The following PPP1R14C variants were observed in gnomAD, a reference collection of about 807,000 sequenced individuals.
PPP1R14C encodes protein phosphatase 1 regulatory subunit 14C.
A neutral mutation model predicts 20.4 loss-of-function variants in PPP1R14C; 16 were observed. The ratio of observed to expected loss-of-function variants is 0.78; its 90% confidence interval spans 0.53 to 1.19. The LOEUF is 1.19. Ranked by LOEUF, PPP1R14C falls within the 50% of genes most tolerant of loss-of-function variation. The probability of loss-of-function intolerance (pLI) is 0.00; values close to 1 mark genes in which losing one functional copy is unlikely to be tolerated. For missense variants in PPP1R14C, 211 were observed against 220.1 expected, an observed-to-expected ratio of 0.96 and a Z score of 0.26; for synonymous variants, 91 against 91.0, an observed-to-expected ratio of 1.00 and a Z score of 0.00.
At chr6:150,204,308 T>G (rs1777915955) in intron 1 of PPP1R14C, among the ~76,000 whole-genome samples, 1 of 152,216 alleles carries the variant, frequency 6.6e-6, no homozygotes. Flanking sequence ...CTGTGCGTGT[T>G]TAGTGTTCAT....
intron 3 of PPP1R14C, among the ~76,000 whole-genome samples, chr6:150,217,195 A>ATTT (rs397886649): frequency 2.2e-5 from 3 of 135,648 alleles, no homozygotes; most frequent in Non-Finnish European, 4.8e-5. Flanking sequence ...ATTGGTATGT[A>ATTT]TTTTTTTTTT....
chr6:150,196,862 T>G (rs1163727314), intron 1 of PPP1R14C, among the ~76,000 whole-genome samples: 1 of 152,168 alleles, frequency 6.6e-6, no homozygotes, highest in African/African-American at 2.4e-5. Flanking sequence ...GTTTTTAAAA[T>G]TAATTGGAAT....
intron 1 of PPP1R14C, among the ~76,000 whole-genome samples, chr6:150,146,185 C>T (rs758526648): frequency 2.6e-5 from 4 of 152,090 alleles, no homozygotes; most frequent in Admixed American, 6.6e-5. Flanking sequence ...TTCTTTTTAT[C>T]CTTGTTTAAA....
intron 1 of PPP1R14C, among the ~76,000 whole-genome samples, chr6:150,197,267 G>C (rs1359730726): frequency 6.6e-6 from 1 of 152,196 alleles, no homozygotes; most frequent in Non-Finnish European, 1.5e-5. Context: ...CCCGCCTGCG[G>C]CACTTCCCTG....
chr6:150,192,944 A>G (rs1020170803), intron 1 of PPP1R14C, among the ~76,000 whole-genome samples: 3 of 152,164 alleles, frequency 2.0e-5, no homozygotes, highest in Admixed American at 6.5e-5. Context: ...CTAGAGGATG[A>G]CATGGCACAG....
intron 3 of PPP1R14C, among the ~76,000 whole-genome samples, chr6:150,242,580 C>G (rs1297366431): frequency 6.6e-6 from 1 of 152,188 alleles, no homozygotes; most frequent in Non-Finnish European, 1.5e-5. Flanking sequence ...TAAAAAATAT[C>G]TGCAAAAAAC....
At chr6:150,179,711 T>C (rs1336122185) in intron 1 of PPP1R14C, among the ~76,000 whole-genome samples, 1 of 152,094 alleles carries the variant, frequency 6.6e-6, no homozygotes, top group Non-Finnish European at 1.5e-5. Flanking sequence ...AACTTTTTTT[T>C]CCAAATACAG....
chr6:150,221,807 A>T (rs56244054), intron 3 of PPP1R14C, among the ~76,000 whole-genome samples: 17,857 of 151,988 alleles, frequency 0.12, 1,981 homozygotes, highest in African/African-American at 0.29. Flanking sequence ...ATTTTATTTT[A>T]ATTTTTTTTG....
chr6:150,167,381 A>C (rs1389390439), intron 1 of PPP1R14C, among the ~76,000 whole-genome samples: 2 of 152,108 alleles, frequency 1.3e-5, no homozygotes, highest in Non-Finnish European at 2.9e-5. Flanking sequence ...GGGGAAAAAA[A>C]CAAAAAGCAG....
At position 150,143,508 on chromosome 6, in the gene PPP1R14C, C is replaced by T; in HGVS notation, c.306+10C>T. The T allele has an allele frequency of 3.0e-6, 4 of 1,354,874 alleles. No individual in the cohort carries two copies. The highest frequency in any genetic ancestry group is 4.1e-6 in the Non-Finnish European group (4 of 972,996). 83.9% of individuals were successfully genotyped at this position (1,354,874 alleles called of 1,614,324 possible). A position where few individuals can be genotyped will look rare whatever the true frequency, so the allele number is the denominator to read the frequency against. On this transcript the variant is annotated intron_variant, in intron 1 of 3. Transcript: ENST00000361131. This position sits in a 1 kb window ranked among gnomAD's most constrained non-coding sequence, Gnocchi z 5.6. ...GCTCTACGGCTGCGAGGTACCTGGG[C>T]GCGGGGCTGGGAGGGTCGGGGACCT...
At chr6:150,225,930 A>G (rs9371834) in intron 3 of PPP1R14C, among the ~76,000 whole-genome samples, 2,549 of 152,340 alleles carry the variant, frequency 0.017, 80 homozygotes, top group East Asian at 0.15. Context: ...TTGGATTATT[A>G]CATTTAAAGA....
chr6:150,158,163 A>G (rs888866552), intron 1 of PPP1R14C, among the ~76,000 whole-genome samples: 3 of 152,170 alleles, frequency 2.0e-5, no homozygotes, highest in African/African-American at 4.8e-5. Flanking sequence ...ATGAAAAACC[A>G]TCTCCCCAAA....
intron 1 of PPP1R14C, among the ~76,000 whole-genome samples, chr6:150,192,069 G>A (rs558039534): frequency 1.8e-4 from 28 of 152,218 alleles, no homozygotes; most frequent in Non-Finnish European, 2.4e-4. Context: ...TCCTCTTCTC[G>A]GAGTCCTCAC....
In PPP1R14C at chr6:150,248,898, G is replaced by A; in HGVS notation, c.*78G>A. ...GTACTTCATGAAGACTTTTGTGAAA[G>A]AATAGGTGTCCTTATGAACAACGTT... On this transcript the variant is annotated 3_prime_UTR_variant, in exon 4 of 4. Coordinates refer to ENST00000361131, the MANE Select transcript of PPP1R14C (RefSeq NM_030949.3). The A allele has an allele frequency of 1.2e-6, 1 of 855,106 alleles. No homozygotes were observed. Among genetic ancestry groups the A allele is most frequent in the Admixed American group, 2.5e-5 (1 of 40,740 alleles). The allele number at this position is 855,106 out of a possible 1,614,324, so 53.0% of individuals were successfully genotyped here.
intron 1 of PPP1R14C, among the ~76,000 whole-genome samples, chr6:150,167,965 T>TCTTTCTCCCCTTCTCTCCTCCC (rs1582900427): frequency 5.0e-4 from 2 of 4,040 alleles, no homozygotes; most frequent in Admixed American, 3.1e-3. Context: ...TCTCCTCCCC[T>TCTTTCTCCCCTTCTCTCCTCCC]CTTTCTCTCC....
chr6:150,186,063 T>G (rs780911627), intron 1 of PPP1R14C, among the ~76,000 whole-genome samples: 1 of 152,194 alleles, frequency 6.6e-6, no homozygotes, highest in Non-Finnish European at 1.5e-5. Flanking sequence ...TATTCGTGCC[T>G]GGTCTTTGAT....
intron 1 of PPP1R14C, among the ~76,000 whole-genome samples, chr6:150,214,045 C>T (rs1778059669): frequency 6.6e-6 from 1 of 152,224 alleles, no homozygotes; most frequent in African/African-American, 2.4e-5. Flanking sequence ...TTTCCGGTGC[C>T]ACACTTCCTC....
intron 3 of PPP1R14C, among the ~76,000 whole-genome samples, chr6:150,244,168 T>TA (rs10660961): frequency 0.16 from 22,822 of 146,734 alleles, 2,116 homozygotes; most frequent in African/African-American, 0.27. Flanking sequence ...ATAAAGCTGC[T>TA]AAAAAAAAAA....
At chr6:150,169,843 A>G (rs1777477583) in intron 1 of PPP1R14C, among the ~76,000 whole-genome samples, 1 of 152,194 alleles carries the variant, frequency 6.6e-6, no homozygotes, top group Non-Finnish European at 1.5e-5. Flanking sequence ...TCTCTGCCTC[A>G]TGGGGAATTA....
Sources: allele counts gnomAD v4.1 joint callset (sites outside exome capture counted in the v4.1 genomes callset), GRCh38; gene constraint gnomAD v4.1.1; non-coding constraint Gnocchi (gnomAD v3.1); transcripts MANE v1.5; gene names NCBI Gene and HGNC (gene_info 2026-07-23, HGNC 2026-07-21).